BNC2: variants seen among roughly 807,000 people sequenced by gnomAD.
The protein encoded by BNC2 is basonuclin zinc finger protein 2.
In BNC2, 20 loss-of-function variants were observed where a neutral mutation model predicts 76.3. The ratio of observed to expected loss-of-function variants is 0.26; its 90% CI spans 0.18 to 0.38. The LOEUF (loss-of-function observed/expected upper bound fraction) is 0.38. Ranked by LOEUF, BNC2 falls within the 10% of genes least tolerant of loss-of-function variation. BNC2 has a pLI of 1.00. For missense variants in BNC2, 1,382 were observed against 1,399.8 expected, an observed-to-expected ratio of 0.99 and a Z score of 0.20; for synonymous variants, 582 against 514.8, an observed-to-expected ratio of 1.13 and a Z score of -1.77.
intron 5 of BNC2, among the ~76,000 whole-genome samples, chr9:16,463,336 G>T (rs1031122117): frequency 1.2e-4 from 13 of 111,824 alleles, no homozygotes; most frequent in African/African-American, 5.6e-4. Flanking sequence ...TCGCTCTGTC[G>T]CCCAGGCTGG....
chr9:16,705,362 C>T (rs1587335258), intron 3 of BNC2, among the ~76,000 whole-genome samples: 1 of 152,170 alleles, frequency 6.6e-6, no homozygotes, highest in African/African-American at 2.4e-5. Context: ...GAAAGGAGTA[C>T]ACAGACCCAC....
chr9:16,785,555 C>T (rs1826265535), intron 1 of BNC2, among the ~76,000 whole-genome samples: 3 of 104,822 alleles, frequency 2.9e-5, no homozygotes, highest in South Asian at 3.5e-4. Context: ...CCACTACACC[C>T]GGCTTTTTTT....
chr9:16,674,548 G>A (rs1387544988), intron 3 of BNC2, among the ~76,000 whole-genome samples: 3 of 152,076 alleles, frequency 2.0e-5, no homozygotes, highest in African/African-American at 7.2e-5. Flanking sequence ...TATTTAATCA[G>A]GCAAGCAAAA....
chr9:16,634,793 G>A (rs376925761), intron 3 of BNC2, among the ~76,000 whole-genome samples: 17 of 152,078 alleles, frequency 1.1e-4, no homozygotes, highest in Admixed American at 1.3e-4. Context: ...GAACAACCGC[G>A]CCCGGCCCAA....
intron 1 of BNC2, among the ~76,000 whole-genome samples, chr9:16,767,614 C>T (rs1004569871): frequency 1.3e-5 from 2 of 152,120 alleles, no homozygotes; most frequent in African/African-American, 2.4e-5. Flanking sequence ...GGGTTGTATG[C>T]TCTGCCAAGA....
intron 3 of BNC2, among the ~76,000 whole-genome samples, chr9:16,706,317 A>G (rs1823671505): frequency 6.6e-6 from 1 of 152,234 alleles, no homozygotes; most frequent in African/African-American, 2.4e-5. Context: ...ATCTTGTCCA[A>G]TTGTTTTATT....
chr9:16,846,732 A>T (rs1012212497), intron 1 of BNC2, among the ~76,000 whole-genome samples: 2 of 152,240 alleles, frequency 1.3e-5, no homozygotes, highest in Non-Finnish European at 2.9e-5. Context: ...TTACAAAAGA[A>T]GCCCCAAATT....
At chr9:16,846,514 G>T (rs1347360507) in intron 1 of BNC2, among the ~76,000 whole-genome samples, 1 of 152,180 alleles carries the variant, frequency 6.6e-6, no homozygotes, top group East Asian at 1.9e-4. Context: ...TCTATCACCA[G>T]CATTAACTGC....
chr9:16,657,756 A>G (rs1821971643), intron 3 of BNC2, among the ~76,000 whole-genome samples: 1 of 152,234 alleles, frequency 6.6e-6, no homozygotes, highest in Admixed American at 6.5e-5. Flanking sequence ...GCTGTTCATA[A>G]TATCAGACAT....
intron 1 of BNC2, among the ~76,000 whole-genome samples, chr9:16,768,413 A>T (rs1825751300): frequency 6.6e-6 from 1 of 152,176 alleles, no homozygotes; most frequent in Admixed American, 6.5e-5. Flanking sequence ...GTTACAAGAA[A>T]CTGAGGCAAA....
chr9:16,500,271 A>G, intron 5 of BNC2, among the ~76,000 whole-genome samples: 1 of 151,542 alleles, frequency 6.6e-6, no homozygotes, highest in East Asian at 1.9e-4. Context: ...TCCAGTTTTT[A>G]GTAACCTTGC....
intron 3 of BNC2, among the ~76,000 whole-genome samples, chr9:16,587,752 T>A (rs1421066436): frequency 6.6e-6 from 1 of 152,104 alleles, no homozygotes; most frequent in Non-Finnish European, 1.5e-5. Flanking sequence ...TCCCTACTTC[T>A]CCAACACCGT....
chr9:16,831,385 T>A (rs1273439168), intron 1 of BNC2, among the ~76,000 whole-genome samples: 1 of 152,226 alleles, frequency 6.6e-6, no homozygotes, highest in Non-Finnish European at 1.5e-5. Flanking sequence ...AGTAAAGAGT[T>A]CACGTATATT....
intron 1 of BNC2, among the ~76,000 whole-genome samples, chr9:16,839,731 A>T (rs747687701): frequency 1.2e-4 from 19 of 152,228 alleles, no homozygotes; most frequent in Non-Finnish European, 2.5e-4. Context: ...CAGAAAAATT[A>T]AAGGCTGATT....
rs201648557 is a variant in BNC2, at chr9:16,413,188, G to C, written c.*5801C>G. On this transcript the variant is annotated 3_prime_UTR_variant, in exon 7 of 7. Coordinates refer to ENST00000380672, the MANE Select transcript of BNC2 (RefSeq NM_017637.6). ...TGGTCTTCATATCCTATATAAAAAA[G>C]ATTTTTTTTTTTCCTGCAGTAAAGG... 1.6e-5 allele frequency: 2 copies of C among 125,642 alleles called. No homozygotes were observed. The highest frequency in any genetic ancestry group is 3.3e-5 in the Non-Finnish European group (2 of 60,278). The allele number at this position is 125,642 out of a possible 1,614,324, so 7.8% of individuals were successfully genotyped here.
intron 4 of BNC2, among the ~76,000 whole-genome samples, chr9:16,582,470 T>C (rs1395325624): frequency 6.6e-6 from 1 of 152,150 alleles, no homozygotes; most frequent in East Asian, 1.9e-4. Flanking sequence ...ATTTACAGGT[T>C]ATATTTTCAG....
intron 1 of BNC2, among the ~76,000 whole-genome samples, chr9:16,758,445 C>T (rs1825454560): frequency 6.6e-6 from 1 of 152,080 alleles, no homozygotes; most frequent in Non-Finnish European, 1.5e-5. Flanking sequence ...ATTCTCCTGC[C>T]TCAGCTTCCC....
At chr9:16,548,841 C>T (rs1323239192) in intron 5 of BNC2, among the ~76,000 whole-genome samples, 1 of 152,174 alleles carries the variant, frequency 6.6e-6, no homozygotes, top group Non-Finnish European at 1.5e-5. Flanking sequence ...TGAATAAATA[C>T]TTTAATAAGT....
intron 4 of BNC2, among the ~76,000 whole-genome samples, chr9:16,577,676 A>G (rs6475065): frequency 0.056 from 8,493 of 152,298 alleles, 838 homozygotes; most frequent in African/African-American, 0.19. Context: ...GTAATAATGT[A>G]AAACTATCTT....
Sources: gnomAD v4.1 joint callset for allele counts (sites outside exome capture counted in the v4.1 genomes callset) on GRCh38, gnomAD v4.1.1 for gene constraint, MANE v1.5 for transcripts, NCBI Gene and HGNC (gene_info 2026-07-23, HGNC 2026-07-21) for gene names.